Variants in CCSER1 observed in about 807,000 individuals in gnomAD.
CCSER1 encodes serine-rich coiled-coil domain-containing protein 1.
Under a neutral mutation model 82.0 loss-of-function variants are expected in CCSER1, and 41 were observed. The observed-to-expected ratio is 0.50, with a 90% CI of 0.39 to 0.65. The LOEUF (loss-of-function observed/expected upper bound fraction) is 0.65, where lower values mean the gene tolerates loss of function less well. CCSER1 is among the 30% of genes least tolerant of loss of function. CCSER1 has a pLI of 0.00. For missense variants in CCSER1, 1,119 were observed against 1,064.2 expected, an observed-to-expected ratio of 1.05 and a Z score of -0.72; for synonymous variants, 414 against 383.9, an observed-to-expected ratio of 1.08 and a Z score of -0.92.
At chr4:90,435,907 T>C (rs1758936169) in intron 4 of CCSER1, among the ~76,000 whole-genome samples, 1 of 152,100 alleles carries the variant, frequency 6.6e-6, no homozygotes, top group Non-Finnish European at 1.5e-5. Context: ...GATATTAAAT[T>C]GTTTATGGAC....
chr4:91,261,904 C>A (rs2149166774), intron 10 of CCSER1, among the ~76,000 whole-genome samples: 1 of 152,120 alleles, frequency 6.6e-6, no homozygotes, highest in Non-Finnish European at 1.5e-5. Flanking sequence ...GCTTAATCTT[C>A]TCCTGAGTAA....
chr4:91,484,323 T>C (rs1758107692), intron 10 of CCSER1, among the ~76,000 whole-genome samples: 1 of 152,184 alleles, frequency 6.6e-6, no homozygotes. Flanking sequence ...CCATGTCAAA[T>C]GTCAACTCCT....
chr4:91,065,998 C>A (rs1488570376), intron 9 of CCSER1, among the ~76,000 whole-genome samples: 25 of 152,068 alleles, frequency 1.6e-4, no homozygotes, highest in Admixed American at 1.6e-3. Context: ...ATCAAACATT[C>A]ATCCATTTAA....
intron 10 of CCSER1, among the ~76,000 whole-genome samples, chr4:91,450,527 G>A (rs892864687): frequency 1.3e-5 from 2 of 152,212 alleles, no homozygotes; most frequent in East Asian, 1.9e-4. Context: ...ATCTTGGAGT[G>A]AGGAGAAACA....
At chr4:90,492,965 C>A (rs540091012) in intron 5 of CCSER1, among the ~76,000 whole-genome samples, 1 of 151,880 alleles carries the variant, frequency 6.6e-6, no homozygotes. Flanking sequence ...CAAACTTCTC[C>A]GAGCTAAAGG....
chr4:91,389,986 A>G (rs1276282676), intron 10 of CCSER1, among the ~76,000 whole-genome samples: 1 of 152,078 alleles, frequency 6.6e-6, no homozygotes, highest in Non-Finnish European at 1.5e-5. Flanking sequence ...GATTTTGTGA[A>G]TATACAATCA....
chr4:91,028,181 C>T (rs953056654), intron 9 of CCSER1, among the ~76,000 whole-genome samples: 8 of 151,824 alleles, frequency 5.3e-5, no homozygotes, highest in African/African-American at 1.7e-4. Flanking sequence ...AATATAGATA[C>T]GTATTTATGT....
At chr4:91,261,960 G>A (rs1264389583) in intron 10 of CCSER1, among the ~76,000 whole-genome samples, 1 of 152,004 alleles carries the variant, frequency 6.6e-6, no homozygotes, top group Non-Finnish European at 1.5e-5. Flanking sequence ...GTAGATTTGA[G>A]AGTAAGACAG....
chr4:90,205,663 T>A (rs535314100), intron 1 of CCSER1, among the ~76,000 whole-genome samples: 32 of 152,354 alleles, frequency 2.1e-4, no homozygotes, highest in Admixed American at 7.8e-4. Context: ...ATTTTCTTTT[T>A]TTGTTGTATC....
intron 1 of CCSER1, among the ~76,000 whole-genome samples, chr4:90,137,284 G>A (rs1283664499): frequency 4.6e-5 from 7 of 152,150 alleles, no homozygotes; most frequent in South Asian, 2.1e-4. Flanking sequence ...AATTGTTTTT[G>A]AGAGGTATTC....
rs551374504 is a variant in CCSER1 at position 90,273,678 on chromosome 4, T to C, written c.-41-34566T>C. Reference sequence around the variant, plus strand: ...TCGAACATATAAAACTTTGCCTCTTTATTGAAAAACACATTCTGAGGTCAA... The same window carrying C: ...TCGAACATATAAAACTTTGCCTCTTCATTGAAAAACACATTCTGAGGTCAA... On this transcript the variant is annotated intron_variant, in intron 1 of 10. Coordinates refer to ENST00000509176, the MANE Select transcript of CCSER1 (RefSeq NM_001145065.2). Among the ~76,000 whole-genome samples, 5 of 152,262 alleles carry C rather than the reference T, an allele frequency of 3.3e-5. No homozygotes were observed. The South Asian group carries it at 1.0e-3, about 32-fold the overall frequency.
rs191965030 is a variant in CCSER1, at chr4:90,713,895, G to A, written c.1933-10019G>A. Among the ~76,000 whole-genome samples, 207 of 151,860 alleles carry A rather than the reference G, an allele frequency of 1.4e-3. 2 individuals are homozygous for A. The highest frequency in any genetic ancestry group is 4.6e-3 in the African/African-American group (189 of 41,452). On this transcript the variant is annotated intron_variant, in intron 6 of 10. Coordinates refer to ENST00000509176, the MANE Select transcript of CCSER1 (RefSeq NM_001145065.2). ...TCCTGTCTTATTTCAAAAAGATAGT[G>A]TTCAAGCTCTGAAATTCTTTCCTAT... is the stretch of plus-strand genomic sequence containing the variant.
intron 4 of CCSER1, among the ~76,000 whole-genome samples, chr4:90,422,287 C>T (rs181621708): frequency 2.6e-5 from 4 of 152,256 alleles, no homozygotes; most frequent in South Asian, 4.1e-4. Flanking sequence ...AATTCAACAA[C>T]GGAATAAATT....
At chr4:90,916,603 G>A (rs1172783466) in intron 8 of CCSER1, among the ~76,000 whole-genome samples, 1 of 152,100 alleles carries the variant, frequency 6.6e-6, no homozygotes, top group East Asian at 1.9e-4. Context: ...CATAGGCATG[G>A]GCAAGGACTT....
intron 9 of CCSER1, among the ~76,000 whole-genome samples, chr4:91,017,862 T>A (rs998041214): frequency 3.3e-5 from 5 of 151,678 alleles, no homozygotes; most frequent in Admixed American, 3.3e-4. Context: ...TTTAAGAGTC[T>A]CACTCTGTCA....
intron 9 of CCSER1, among the ~76,000 whole-genome samples, chr4:90,931,038 A>T (rs1475449107): frequency 6.7e-6 from 1 of 148,286 alleles, no homozygotes; most frequent in African/African-American, 2.5e-5. Flanking sequence ...TATCTTTGAC[A>T]TATATTTGAA....
At chr4:91,225,353 TATATATATTATATATGTA>T (rs1211287253) in intron 10 of CCSER1, among the ~76,000 whole-genome samples, 3 of 34,778 alleles carry the variant, frequency 8.6e-5, no homozygotes, top group African/African-American at 5.0e-4. Context: ...AATATATATG[TATATATATTATATATGTA>T]ATATATATGA....
At chr4:90,958,213 C>A (rs1475062989) in intron 9 of CCSER1, among the ~76,000 whole-genome samples, 3 of 152,052 alleles carry the variant, frequency 2.0e-5, no homozygotes. Context: ...TTATACAATC[C>A]AAATGGTCAA....
chr4:90,937,504 A>ACACACACACACACACACACACACACAC (rs757870134), intron 9 of CCSER1, among the ~76,000 whole-genome samples: 1 of 77,736 alleles, frequency 1.3e-5, no homozygotes, highest in African/African-American at 4.0e-5. Flanking sequence ...CACACACACA[A>ACACACACACACACACACACACACACAC]ACACACACAC....
Sources: gnomAD v4.1 joint callset for allele counts (sites outside exome capture counted in the v4.1 genomes callset) on GRCh38, gnomAD v4.1.1 for gene constraint, MANE v1.5 for transcripts, NCBI Gene and HGNC (gene_info 2026-07-23, HGNC 2026-07-21) for gene names.